Variants in WWOX observed in about 807,000 individuals in gnomAD.
The protein encoded by WWOX is WW domain containing oxidoreductase.
In WWOX, 69 loss-of-function variants were observed where a neutral mutation model predicts 46.2. The observed-to-expected ratio is 1.49, with a 90% confidence interval of 1.23 to 1.82. The LOEUF (loss-of-function observed/expected upper bound fraction) is 1.82. WWOX is among the 40% of genes most tolerant of loss of function. WWOX has a pLI of 0.00. For synonymous variants in WWOX, 359 were observed against 202.6 expected (o/e 1.77, Z -6.56); for missense variants, 919 against 542.6 (o/e 1.69, Z -6.89).
At chr16:78,602,064 T>C (rs897295049) in intron 8 of WWOX, among the ~76,000 whole-genome samples, 2 of 152,236 alleles carry the variant, frequency 1.3e-5, no homozygotes, top group African/African-American at 4.8e-5. Context: ...CTTAGGTTCC[T>C]GAAATTAGAG....
intron 8 of WWOX, among the ~76,000 whole-genome samples, chr16:78,745,886 C>G (rs1476208649): frequency 1.3e-5 from 2 of 151,848 alleles, no homozygotes; most frequent in African/African-American, 4.8e-5. Flanking sequence ...TATTTTAATA[C>G]TAGGAACGTG....
chr16:78,651,280 G>C (rs1173782742), intron 8 of WWOX, among the ~76,000 whole-genome samples: 3 of 152,246 alleles, frequency 2.0e-5, no homozygotes, highest in African/African-American at 7.2e-5. Flanking sequence ...GAGCGAGTGA[G>C]TGCGAGCGAG....
chr16:78,166,070 C>G (rs928389270), intron 5 of WWOX, among the ~76,000 whole-genome samples: 1 of 152,142 alleles, frequency 6.6e-6, no homozygotes, highest in East Asian at 1.9e-4. Flanking sequence ...ATGTGAAAGT[C>G]GTTCTTGGTC....
At chr16:78,309,143 CT>C (rs2080187435) in intron 5 of WWOX, among the ~76,000 whole-genome samples, 1 of 152,216 alleles carries the variant, frequency 6.6e-6, no homozygotes, top group African/African-American at 2.4e-5. Flanking sequence ...CAAATCTCAT[CT>C]TGAATTGTAA....
chr16:78,772,385 T>C (rs567700711), intron 8 of WWOX, among the ~76,000 whole-genome samples: 2 of 152,222 alleles, frequency 1.3e-5, no homozygotes, highest in African/African-American at 4.8e-5. Flanking sequence ...TTCTTTTATA[T>C]GGCTGCATAG....
Position 79,212,438 on chromosome 16 carries a change from TTAGAGA to T in WWOX, c.*644_*649del, listed in dbSNP as rs2051798491. 1 of 286,452 alleles carries T rather than the reference TTAGAGA, an allele frequency of 3.5e-6. No individual in the cohort carries two copies. Among genetic ancestry groups the T allele is most frequent in the Non-Finnish European group, 6.6e-6 (1 of 152,624 alleles). 17.7% of individuals were successfully genotyped at this position (286,452 alleles called of 1,614,324 possible). The stretch of plus-strand genomic sequence containing the variant: ...TTGCTAATGCTATGCAAAAAATTCT[TTAGAGA>T]TTATAACAAATTTTTCAAATCATTC... On this transcript the variant is annotated 3_prime_UTR_variant, in exon 9 of 9. Coordinates refer to ENST00000566780, the MANE Select transcript of WWOX (RefSeq NM_016373.4).
chr16:78,952,280 T>G (rs906499491), intron 8 of WWOX, among the ~76,000 whole-genome samples: 1 of 152,204 alleles, frequency 6.6e-6, no homozygotes, highest in African/African-American at 2.4e-5. Flanking sequence ...AAGCCTTCCA[T>G]GACTGCATTA....
In WWOX at chr16:79,109,081, G is replaced by A. The variant is rs186717447; in HGVS notation, c.1057-102527G>A. On this transcript the variant is annotated intron_variant, in intron 8 of 8. Coordinates refer to ENST00000566780, the MANE Select transcript of WWOX (RefSeq NM_016373.4). ...TTTGTGTCCGTGAGCATGTGTGTGT[G>A]CCCTGGGTTCCTCTCCCAGGTACTC... Among the ~76,000 whole-genome samples the A allele has an allele frequency of 1.9e-4, 29 of 152,152 alleles. 1 individual carries two copies. The East Asian group carries it at 5.6e-3, about 30-fold the overall frequency.
intron 8 of WWOX, among the ~76,000 whole-genome samples, chr16:78,894,399 G>A (rs1027567377): frequency 6.6e-6 from 1 of 152,136 alleles, no homozygotes; most frequent in Admixed American, 6.6e-5. Flanking sequence ...AGTTAGTAAT[G>A]TTCAGTGATG....
intron 8 of WWOX, among the ~76,000 whole-genome samples, chr16:78,693,350 C>T (rs931771363): frequency 6.6e-6 from 1 of 152,112 alleles, no homozygotes; most frequent in Non-Finnish European, 1.5e-5. Flanking sequence ...CTCAGTGTTC[C>T]AGTTAATTTT....
rs200125720 is a variant in WWOX at position 78,143,752 on chromosome 16, GTTTTTTT to G, written c.410-20418_410-20412del. Among the ~76,000 whole-genome samples, 3 of 120,240 alleles carry G rather than the reference GTTTTTTT, an allele frequency of 2.5e-5. No homozygotes were observed. The Admixed American group carries it at 2.8e-4, about 11-fold the overall frequency. 78.9% of individuals were successfully genotyped at this position (120,240 alleles called of 152,430 possible). On this transcript the variant is annotated intron_variant, in intron 4 of 8. Transcript: ENST00000566780. ...CTCATTCCTCTAAAAGAATTGGTAT[GTTTTTTT>G]TTTTTTTTTTTTGGTGGTGGTTGTT...
intron 8 of WWOX, among the ~76,000 whole-genome samples, chr16:78,547,455 C>A (rs567697543): frequency 1.1e-3 from 164 of 152,258 alleles, no homozygotes; most frequent in African/African-American, 3.8e-3. Flanking sequence ...TGATTGCTGG[C>A]ATTTGCCTAG....
intron 6 of WWOX, among the ~76,000 whole-genome samples, chr16:78,420,715 A>G (rs981418726): frequency 2.0e-5 from 3 of 151,274 alleles, no homozygotes; most frequent in African/African-American, 7.3e-5. Flanking sequence ...TGGTTGTACA[A>G]TTATTTGAGT....
chr16:79,006,022 T>G (rs868178832), intron 8 of WWOX, among the ~76,000 whole-genome samples: 9 of 152,254 alleles, frequency 5.9e-5, no homozygotes, highest in Middle Eastern at 3.4e-3. Context: ...CGGTCACCTC[T>G]TATGTGCTAG....
intron 8 of WWOX, among the ~76,000 whole-genome samples, chr16:78,704,134 ATTTTT>A (rs887265042): frequency 9.8e-5 from 14 of 143,260 alleles, no homozygotes; most frequent in African/African-American, 3.6e-4. Flanking sequence ...GCAGGCTGTG[ATTTTT>A]TTTTTTTTTA....
intron 8 of WWOX, among the ~76,000 whole-genome samples, chr16:78,961,874 G>A (rs1296863685): frequency 6.6e-6 from 1 of 152,122 alleles, no homozygotes; most frequent in Non-Finnish European, 1.5e-5. Flanking sequence ...AAATCATTCT[G>A]TGGTTCCACA....
chr16:78,179,961 T>C (rs923173184), intron 5 of WWOX, among the ~76,000 whole-genome samples: 15 of 152,146 alleles, frequency 9.9e-5, no homozygotes, highest in Admixed American at 3.3e-4. Flanking sequence ...AATCCTGCCA[T>C]TGTAGGAGGG....
intron 8 of WWOX, among the ~76,000 whole-genome samples, chr16:79,151,982 C>G (rs1045449268): frequency 1.3e-5 from 2 of 152,188 alleles, no homozygotes; most frequent in African/African-American, 4.8e-5. Flanking sequence ...AGAAAGGTCT[C>G]TGTTACGAAG....
intron 8 of WWOX, among the ~76,000 whole-genome samples, chr16:79,095,919 A>G (rs1300899885): frequency 7.3e-6 from 1 of 137,126 alleles, no homozygotes; most frequent in Non-Finnish European, 1.5e-5. Context: ...GGCATGATCT[A>G]GCTCACTGCA....
Sources: allele counts gnomAD v4.1 joint callset (sites outside exome capture counted in the v4.1 genomes callset), GRCh38; gene constraint gnomAD v4.1.1; transcripts MANE v1.5; gene names NCBI Gene and HGNC (gene_info 2026-07-23, HGNC 2026-07-21).